ABL2: variants seen among roughly 807,000 people sequenced by gnomAD.
ABL2 encodes the protein ABL proto-oncogene 2, non-receptor tyrosine kinase.
In ABL2, 49 loss-of-function variants were observed where a neutral mutation model predicts 107.7. That is an observed-to-expected ratio of 0.45 (90% confidence interval 0.36 to 0.58). The LOEUF (loss-of-function observed/expected upper bound fraction) is 0.58, where lower values mean the gene tolerates loss of function less well. Ranked by LOEUF, ABL2 falls within the 20% of genes least tolerant of loss-of-function variation. The probability of loss-of-function intolerance (pLI) is 0.00; values close to 1 mark genes in which losing one functional copy is unlikely to be tolerated. For missense variants in ABL2, 1,245 were observed against 1,457.0 expected, an observed-to-expected ratio of 0.85 and a Z score of 2.37; for synonymous variants, 549 against 548.6, an observed-to-expected ratio of 1.00 and a Z score of -0.01.
chr1:179,110,557 G>T (rs991214991), intron 10 of ABL2, 102 bp from the exon 11 acceptor site: 131 of 1,518,592 alleles, frequency 8.6e-5, no homozygotes, highest in Non-Finnish European at 1.1e-4. Flanking sequence ...CTGGCAAGTA[G>T]AGTACTAAAA....
At chr1:179,189,261 G>A (rs999691281) in intron 1 of ABL2, among the ~76,000 whole-genome samples, 9 of 151,978 alleles carry the variant, frequency 5.9e-5, no homozygotes, top group East Asian at 3.9e-4. Context: ...TCAGCCTCCC[G>A]AGTAGCTGGG....
chr1:179,145,448 TAAC>T (rs1657915543), intron 1 of ABL2, among the ~76,000 whole-genome samples: 1 of 152,276 alleles, frequency 6.6e-6, no homozygotes, highest in African/African-American at 2.4e-5. Flanking sequence ...AATTCTAAAA[TAAC>T]AATAAACCCA....
At chr1:179,130,726 T>G (rs921009817) in intron 3 of ABL2, among the ~76,000 whole-genome samples, 2 of 142,720 alleles carry the variant, frequency 1.4e-5, no homozygotes, top group African/African-American at 2.6e-5. Flanking sequence ...ATTATTGATT[T>G]TGTGTGTGTG....
At chr1:179,118,940 G>C (rs923833639) in intron 6 of ABL2, among the ~76,000 whole-genome samples, 176 bp from the exon 7 acceptor site, 1 of 152,194 alleles carries the variant, frequency 6.6e-6, no homozygotes, top group African/African-American at 2.4e-5. Context: ...GTTTATAAGG[G>C]AGTCCTTGCT....
intron 1 of ABL2, among the ~76,000 whole-genome samples, chr1:179,172,249 C>G (rs1314379827): frequency 6.6e-6 from 1 of 152,190 alleles, no homozygotes; most frequent in Non-Finnish European, 1.5e-5. Context: ...CCTTGATTGG[C>G]AGGCACCCTC....
intron 1 of ABL2, among the ~76,000 whole-genome samples, chr1:179,165,943 A>G (rs1191539347): frequency 2.0e-5 from 3 of 151,942 alleles, no homozygotes; most frequent in Non-Finnish European, 4.4e-5. Context: ...TTACAGGCAC[A>G]TGCTACCACG....
intron 4 of ABL2, among the ~76,000 whole-genome samples, chr1:179,123,307 C>T (rs972223168): frequency 6.6e-6 from 1 of 151,836 alleles, no homozygotes; most frequent in Admixed American, 6.6e-5. Context: ...AGAGTTGAGA[C>T]CAGCTTGGCC....
At chr1:179,134,995 G>T (rs946936237) in intron 1 of ABL2, among the ~76,000 whole-genome samples, 1 of 152,256 alleles carries the variant, frequency 6.6e-6, no homozygotes, top group Non-Finnish European at 1.5e-5. Flanking sequence ...GCCTCCCGAG[G>T]TGCCGGGATT....
chr1:179,120,413 G>T (rs956472432), intron 5 of ABL2, 139 bp from the exon 6 acceptor site: 1 of 419,428 alleles, frequency 2.4e-6, no homozygotes, highest in East Asian at 3.7e-5. Context: ...CATATTACAA[G>T]ATATAATTAT....
At chr1:179,138,014 C>T (rs1657202714) in intron 1 of ABL2, 1 of 152,284 alleles carries the variant, frequency 6.6e-6, no homozygotes. Context: ...GCATCTGCAA[C>T]AGCCCAAGCT....
chr1:179,204,485 C>T (rs1253641139), intron 1 of ABL2, among the ~76,000 whole-genome samples: 2 of 152,040 alleles, frequency 1.3e-5, no homozygotes, highest in Admixed American at 1.3e-4. Context: ...GTGGCTCACA[C>T]CTGTAATCCT....
intron 1 of ABL2, among the ~76,000 whole-genome samples, chr1:179,213,809 T>A (rs1365847099): frequency 6.6e-6 from 1 of 152,114 alleles, no homozygotes; most frequent in Admixed American, 6.6e-5. Context: ...CCAGGCGTGG[T>A]GGCTCACACC....
Position 179,110,035 on chromosome 1 carries a change from G to A in ABL2, c.1825+247C>T, listed in dbSNP as rs190462313. ...ACTGCGCAACCTCTTCTCCTCTATC[G>A]GGTTCAGCGAAGTTTTTGATGGAAC... On this transcript the variant is annotated intron_variant, in intron 11 of 11. Coordinates refer to ENST00000502732, the MANE Select transcript of ABL2 (RefSeq NM_007314.4). Among the ~76,000 whole-genome samples, 186 of 152,154 alleles carry A rather than the reference G, an allele frequency of 1.2e-3. 1 individual carries two copies. The highest frequency in any genetic ancestry group is 1.9e-4 in the African/African-American group (8 of 41,522).
intron 1 of ABL2, among the ~76,000 whole-genome samples, chr1:179,193,745 T>C (rs1468853734): frequency 6.6e-6 from 1 of 152,012 alleles, no homozygotes; most frequent in South Asian, 2.1e-4. Context: ...TTTTGGTTTT[T>C]TTTGGAGACG....
intron 1 of ABL2, 68 bp from the exon 2 acceptor site, chr1:179,133,442 A>C: frequency 6.8e-6 from 11 of 1,612,916 alleles, no homozygotes; most frequent in Non-Finnish European, 9.3e-6. Context: ...ATCAAGCTAA[A>C]GTCTCCTTTT....
intron 1 of ABL2, chr1:179,184,566 A>G: frequency 1.8e-6 from 1 of 566,972 alleles, no homozygotes; most frequent in Middle Eastern, 3.6e-4. Context: ...AAGAAGGAGG[A>G]GAAGATGAGG....
chr1:179,180,287 G>A (rs1660296455), intron 1 of ABL2, among the ~76,000 whole-genome samples: 2 of 152,166 alleles, frequency 1.3e-5, no homozygotes, highest in Admixed American at 6.5e-5. Context: ...CTCTGTTAAG[G>A]AGTTGGGACC....
intron 1 of ABL2, among the ~76,000 whole-genome samples, chr1:179,222,521 G>A (rs1240973046): frequency 3.3e-5 from 5 of 152,100 alleles, no homozygotes; most frequent in African/African-American, 1.2e-4. Context: ...CTCTTGAGTA[G>A]GTGGGATTAT....
At chr1:179,135,736 G>A (rs1373837815) in intron 1 of ABL2, among the ~76,000 whole-genome samples, 2 of 144,150 alleles carry the variant, frequency 1.4e-5, no homozygotes, top group Non-Finnish European at 3.1e-5. Context: ...GAAGTGAGGA[G>A]CCCCTCTGCC....
Sources: gnomAD v4.1 joint callset for allele counts (sites outside exome capture counted in the v4.1 genomes callset) on GRCh38, gnomAD v4.1.1 for gene constraint, MANE v1.5 for transcripts, NCBI Gene and HGNC (gene_info 2026-07-23, HGNC 2026-07-21) for gene names.